FLI1: variants seen among roughly 807,000 people sequenced by gnomAD.
The protein encoded by FLI1 is Friend leukemia integration 1 transcription factor.
In FLI1, 13 loss-of-function variants were observed where a neutral mutation model predicts 53.1. That is an observed-to-expected ratio of 0.24 (90% confidence interval 0.16 to 0.39). FLI1 has a LOEUF of 0.39. Among genes scored for constraint, FLI1 ranks in the 10% least tolerant of loss-of-function variants. FLI1 has a pLI of 1.00. For missense variants in FLI1, 424 were observed against 600.5 expected, an observed-to-expected ratio of 0.71 and a Z score of 3.07; for synonymous variants, 244 against 236.7, an observed-to-expected ratio of 1.03 and a Z score of -0.28.
chr11:128,792,985 G>A (rs1313991401), intron 5 of FLI1, among the ~76,000 whole-genome samples: 4 of 151,850 alleles, frequency 2.6e-5, no homozygotes, highest in Admixed American at 2.6e-4. Context: ...AGGTGTAGTG[G>A]TGTGTTCCTA....
At chr11:128,702,114 C>G (rs1938358360) in intron 1 of FLI1, among the ~76,000 whole-genome samples, 1 of 152,216 alleles carries the variant, frequency 6.6e-6, no homozygotes, top group Admixed American at 6.5e-5. Flanking sequence ...CTCATGTCTA[C>G]AGAGTCATTT....
intron 1 of FLI1, among the ~76,000 whole-genome samples, chr11:128,744,492 G>A (rs969971372): frequency 2.0e-5 from 3 of 152,160 alleles, no homozygotes; most frequent in East Asian, 1.9e-4. Flanking sequence ...TATTATTATC[G>A]CTAGTTTTCC....
chr11:128,704,895 G>A (rs149653677), intron 1 of FLI1, among the ~76,000 whole-genome samples: 1 of 152,214 alleles, frequency 6.6e-6, no homozygotes, highest in Non-Finnish European at 1.5e-5. Flanking sequence ...TATCTATCCA[G>A]CTCAAGGTGA....
At chr11:128,784,348 C>T (rs113245099) in intron 5 of FLI1, among the ~76,000 whole-genome samples, 13 of 150,658 alleles carry the variant, frequency 8.6e-5, no homozygotes, top group Admixed American at 6.0e-4. Context: ...TTAGGGAGGA[C>T]ATTTGTAACA....
Position 128,810,675 on chromosome 11 carries a change from C to T in FLI1, c.1046C>T (p.Thr349Ile), listed in dbSNP as rs1942914665. 1 of 1,613,960 alleles carries T rather than the reference C, an allele frequency of 6.2e-7. No individual in the cohort carries two copies. The highest frequency in any genetic ancestry group is 1.3e-5 in the African/African-American group (1 of 74,944). Reference protein sequence around the residue: ...LRYYYDKNIMTKVHGKRYAYK... With the variant: ...LRYYYDKNIMIKVHGKRYAYK... ...TATTACTATGATAAAAACATTATGA[C>T]CAAAGTGCACGGCAAAAGATATGCT... The change falls in exon 9 of 9, where the codon ACC becomes ATC. Residue 349 changes from threonine to isoleucine, a missense_variant. Transcript: ENST00000527786. This position sits in a 1 kb window ranked among gnomAD's most constrained non-coding sequence, Gnocchi z 6.6.
upstream of FLI1, among the ~76,000 whole-genome samples, chr11:128,691,401 C>A (rs1937734516): frequency 6.6e-6 from 1 of 152,152 alleles, no homozygotes; most frequent in South Asian, 2.1e-4. Context: ...TGGAGGAAAT[C>A]CGAGATTCCC....
At chr11:128,733,451 T>C (rs1939781954) in intron 1 of FLI1, among the ~76,000 whole-genome samples, 1 of 152,330 alleles carries the variant, frequency 6.6e-6, no homozygotes, top group East Asian at 1.9e-4. Context: ...CACTCCGCCA[T>C]TCAAGCTTTC....
intron 1 of FLI1, among the ~76,000 whole-genome samples, chr11:128,745,985 C>A (rs1454800909): frequency 6.6e-6 from 1 of 152,138 alleles, no homozygotes; most frequent in Non-Finnish European, 1.5e-5. Flanking sequence ...GGAAAGTGGT[C>A]AGTGGCTTCA....
At chr11:128,808,972 A>G (rs1318555516) in intron 7 of FLI1, among the ~76,000 whole-genome samples, 185 bp from the exon 8 acceptor site, 2 of 152,258 alleles carry the variant, frequency 1.3e-5, no homozygotes, top group Non-Finnish European at 2.9e-5. Context: ...GTAATTATTG[A>G]GATGAAGACC....
At chr11:128,751,292 C>A (rs1424795533) in intron 1 of FLI1, among the ~76,000 whole-genome samples, 1 of 152,152 alleles carries the variant, frequency 6.6e-6, no homozygotes, top group Non-Finnish European at 1.5e-5. Flanking sequence ...TCCCTCTTGA[C>A]CCATCTCCAA....
At chr11:128,692,731 C>T (rs1374685393), upstream of FLI1, 3 of 152,006 alleles carry the variant, frequency 2.0e-5, 1 homozygote, top group South Asian at 6.2e-4. Flanking sequence ...TTTTTTTTCC[C>T]TCTTTCCCCC....
At chr11:128,765,559 C>T (rs1481957217) in intron 2 of FLI1, among the ~76,000 whole-genome samples, 1 of 152,248 alleles carries the variant, frequency 6.6e-6, no homozygotes, top group Non-Finnish European at 1.5e-5. Context: ...TTCCGAGAGA[C>T]CCCTGCCCAT....
At chr11:128,694,380 C>A in intron 1 of FLI1, 104 bp downstream of exon 1, 1 of 919,866 alleles carries the variant, frequency 1.1e-6, no homozygotes, top group Non-Finnish European at 1.5e-6. Flanking sequence ...TGGCCTCTCT[C>A]CCTTCCCTCC....
chr11:128,694,175 G>T lies in FLI1; in HGVS notation c.-84G>T. On this transcript the variant is annotated 5_prime_UTR_variant, in exon 1 of 9. Transcript: ENST00000527786. ...CCAGGGCGCCAGGGAGGCCGCGCCG[G>T]GCTAATCCGAAGGGGCTGCGAGGTC... 1 of 1,461,924 alleles carries T rather than the reference G, an allele frequency of 6.8e-7. No homozygotes were observed. Among genetic ancestry groups the T allele is most frequent in the Non-Finnish European group, 9.1e-7 (1 of 1,099,072 alleles). 90.6% of individuals were successfully genotyped at this position (1,461,924 alleles called of 1,614,324 possible).
At chr11:128,759,661 C>G (rs903079592) in intron 2 of FLI1, among the ~76,000 whole-genome samples, 3 of 152,180 alleles carry the variant, frequency 2.0e-5, no homozygotes, top group Admixed American at 6.5e-5. Flanking sequence ...AAGGCTGGTG[C>G]TGTGAGCAGC....
intron 1 of FLI1, among the ~76,000 whole-genome samples, chr11:128,708,370 G>C (rs1938643195): frequency 6.6e-6 from 1 of 152,188 alleles, no homozygotes; most frequent in South Asian, 2.1e-4. Context: ...TCTGCTATTA[G>C]AGCAAGCCTC....
At chr11:128,719,277 T>TA (rs1170502352) in intron 1 of FLI1, among the ~76,000 whole-genome samples, 1 of 120,938 alleles carries the variant, frequency 8.3e-6, no homozygotes, top group African/African-American at 2.8e-5. Context: ...ATCAGTTAGA[T>TA]TAAAAAAAAA....
In FLI1 at chr11:128,812,276, A is replaced by G. The variant is rs957521894; in HGVS notation, c.*1288A>G. 4.6e-6 allele frequency: 1 copy of G among 219,520 alleles called. No homozygotes were observed. The highest frequency in any genetic ancestry group is 1.8e-4 in the South Asian group (1 of 5,410). The allele number at this position is 219,520 out of a possible 1,614,324, so 13.6% of individuals were successfully genotyped here. On this transcript the variant is annotated 3_prime_UTR_variant, in exon 9 of 9. Transcript: ENST00000527786. ...AGGGATTTTCCTGCTCTATATAAGC[A>G]ACATATTTTTAGACATTAAAATATA...
At chr11:128,724,091 C>T (rs772264534) in intron 1 of FLI1, among the ~76,000 whole-genome samples, 14 of 151,924 alleles carry the variant, frequency 9.2e-5, no homozygotes, top group Non-Finnish European at 1.6e-4. Context: ...TACAGGTGCC[C>T]ACCACCACTC....
Sources: gnomAD v4.1 joint callset for allele counts (sites outside exome capture counted in the v4.1 genomes callset) on GRCh38, gnomAD v4.1.1 for gene constraint, Gnocchi (gnomAD v3.1) non-coding constraint, MANE v1.5 for transcripts, NCBI Gene and HGNC (gene_info 2026-07-23, HGNC 2026-07-21) for gene names.